The following NECAB1 variants were observed in gnomAD, a reference collection of about 807,000 sequenced individuals.
NECAB1 encodes the protein N-terminal EF-hand calcium-binding protein 1.
In NECAB1, 29 loss-of-function variants were observed where a neutral mutation model predicts 57.5. That is an observed-to-expected ratio of 0.50 (90% confidence interval 0.38 to 0.69). NECAB1 has a LOEUF of 0.69. Ranked by LOEUF, NECAB1 falls within the 30% of genes least tolerant of loss-of-function variation. The pLI, the probability that NECAB1 is intolerant of heterozygous loss-of-function variation, is 0.00. For synonymous variants in NECAB1, 142 were observed against 147.7 expected, an observed-to-expected ratio of 0.96 and a Z score of 0.28; for missense variants, 372 against 413.8, an observed-to-expected ratio of 0.90 and a Z score of 0.88.
chr8:90,936,575 T>C (rs1810544621), intron 9 of NECAB1, among the ~76,000 whole-genome samples: 1 of 152,184 alleles, frequency 6.6e-6, no homozygotes, highest in African/African-American at 2.4e-5. Context: ...CCTAAGTGTT[T>C]AGTGGATTTC....
intron 4 of NECAB1, among the ~76,000 whole-genome samples, chr8:90,879,208 T>TA (rs1195092830): frequency 6.8e-6 from 1 of 146,678 alleles, no homozygotes; most frequent in African/African-American, 2.5e-5. Flanking sequence ...TTTTTTTTTT[T>TA]AGACAATGTC....
intron 2 of NECAB1, among the ~76,000 whole-genome samples, chr8:90,807,041 A>G (rs989153687): frequency 6.6e-6 from 1 of 152,126 alleles, no homozygotes; most frequent in Non-Finnish European, 1.5e-5. Flanking sequence ...TGTATTTCAG[A>G]CTACAAATAT....
intron 3 of NECAB1, among the ~76,000 whole-genome samples, chr8:90,843,835 A>C (rs1812503585): frequency 6.6e-6 from 1 of 152,220 alleles, no homozygotes; most frequent in Non-Finnish European, 1.5e-5. Context: ...TGCTTCTGGC[A>C]GAGAACTTCT....
intron 4 of NECAB1, among the ~76,000 whole-genome samples, chr8:90,878,848 C>A (rs1316925772): frequency 6.6e-6 from 1 of 151,038 alleles, no homozygotes; most frequent in East Asian, 1.9e-4. Flanking sequence ...CTCCAGGAAC[C>A]TTTACTAATT....
At chr8:90,822,212 A>G (rs1424221841) in intron 2 of NECAB1, among the ~76,000 whole-genome samples, 1 of 151,970 alleles carries the variant, frequency 6.6e-6, no homozygotes, top group Non-Finnish European at 1.5e-5. Context: ...AAAAGAAAAT[A>G]TCAACAGGAA....
intron 5 of NECAB1, among the ~76,000 whole-genome samples, chr8:90,887,858 A>G (rs1390648137): frequency 1.3e-5 from 2 of 152,170 alleles, no homozygotes; most frequent in Non-Finnish European, 2.9e-5. Flanking sequence ...GAATGAATGT[A>G]TAAATAGCAA....
chr8:90,895,030 G>A (rs1328995267), intron 5 of NECAB1, among the ~76,000 whole-genome samples: 1 of 152,198 alleles, frequency 6.6e-6, no homozygotes. Context: ...AATGCATAGA[G>A]ATGCATGTAT....
chr8:90,896,416 A>ACCCCGTCTCT (rs1809334197), intron 5 of NECAB1, among the ~76,000 whole-genome samples: 1 of 152,124 alleles, frequency 6.6e-6, no homozygotes, highest in South Asian at 2.1e-4. Flanking sequence ...CATCCTGGCT[A>ACCCCGTCTCT]ACATGGTGAA....
intron 3 of NECAB1, among the ~76,000 whole-genome samples, chr8:90,826,660 T>C (rs946082471): frequency 7.9e-5 from 12 of 151,932 alleles, no homozygotes; most frequent in African/African-American, 1.9e-4. Context: ...AAAGCCATAA[T>C]AGTTCCAGAA....
intron 3 of NECAB1, among the ~76,000 whole-genome samples, chr8:90,856,359 CT>C (rs1187884323): frequency 1.1e-4 from 17 of 152,204 alleles, no homozygotes; most frequent in Admixed American, 5.9e-4. Context: ...AAAACTAAGT[CT>C]GAGTCTGAGA....
At chr8:90,922,474 C>G (rs1810138343) in intron 6 of NECAB1, among the ~76,000 whole-genome samples, 1 of 110,052 alleles carries the variant, frequency 9.1e-6, no homozygotes, top group Non-Finnish European at 1.9e-5. Context: ...ACCAAAGCTG[C>G]CAAAAACTTG....
chr8:90,856,375 A>G (rs1812794391), intron 3 of NECAB1, among the ~76,000 whole-genome samples: 1 of 152,186 alleles, frequency 6.6e-6, no homozygotes, highest in Admixed American at 6.5e-5. Context: ...CTGAGAAATG[A>G]TATCCCGAAG....
intron 5 of NECAB1, among the ~76,000 whole-genome samples, chr8:90,899,830 A>G (rs530160851): frequency 1.3e-5 from 2 of 152,340 alleles, no homozygotes; most frequent in East Asian, 1.9e-4. Context: ...GAAGCTAAAC[A>G]TAATAGTTTG....
chr8:90,806,064 A>G (rs1586032322), intron 2 of NECAB1, among the ~76,000 whole-genome samples: 1 of 152,250 alleles, frequency 6.6e-6, no homozygotes, highest in East Asian at 1.9e-4. Context: ...GGGCAAGAAT[A>G]GCTTTGAAAT....
intron 6 of NECAB1, among the ~76,000 whole-genome samples, chr8:90,923,853 T>A (rs1389597756): frequency 2.0e-5 from 3 of 151,980 alleles, no homozygotes; most frequent in Non-Finnish European, 4.4e-5. Flanking sequence ...AGAGGTGAAA[T>A]ATAAGAGATA....
intron 3 of NECAB1, among the ~76,000 whole-genome samples, chr8:90,831,034 C>T (rs1009558982): frequency 6.6e-6 from 1 of 152,082 alleles, no homozygotes; most frequent in Non-Finnish European, 1.5e-5. Flanking sequence ...GGTAGCTACT[C>T]AAATGGTGTT....
Position 90,949,871 on chromosome 8 carries a change from A to C in NECAB1, c.925A>C (p.Ser309Arg). 2 of 1,604,478 alleles carry C rather than the reference A, an allele frequency of 1.2e-6. No individual in the cohort carries two copies. Among genetic ancestry groups the C allele is most frequent in the Non-Finnish European group, 1.7e-6 (2 of 1,172,866 alleles). Residue 309 changes from serine to arginine, a missense_variant, in exon 11 of 13, where the codon AGT becomes CGT. Transcript: ENST00000417640. ...YMIYEFWENS[S>R]VWNSHLQTNY... The stretch of plus-strand genomic sequence containing the variant: ...GATCTATGAGTTCTGGGAGAATAGT[A>C]GTGTATGGAATAGGTAAGTTGTGAG...
At chr8:90,875,680 A>T (rs1052519471) in intron 4 of NECAB1, among the ~76,000 whole-genome samples, 1 of 151,292 alleles carries the variant, frequency 6.6e-6, no homozygotes, top group African/African-American at 2.4e-5. Context: ...AAACTATTTT[A>T]AAAGTTATAT....
intron 12 of NECAB1, among the ~76,000 whole-genome samples, chr8:90,952,176 G>C (rs560634002): frequency 2.0e-5 from 3 of 151,660 alleles, no homozygotes; most frequent in Admixed American, 6.6e-5. Context: ...ATGTCATGGA[G>C]AGGAGAGAGA....
Sources: allele counts gnomAD v4.1 joint callset (sites outside exome capture counted in the v4.1 genomes callset), GRCh38; gene constraint gnomAD v4.1.1; transcripts MANE v1.5; gene names NCBI Gene and HGNC (gene_info 2026-07-23, HGNC 2026-07-21).